MYO5B: variants seen among roughly 807,000 people sequenced by gnomAD.
MYO5B encodes the protein unconventional myosin-Vb.
MYO5B carries 143 observed loss-of-function variants against 229.3 expected under a neutral mutation model. That is an observed-to-expected ratio of 0.62 (90% CI 0.54 to 0.72). The LOEUF is 0.72. Among genes scored for constraint, MYO5B ranks in the 30% least tolerant of loss-of-function variants. The pLI, the probability that MYO5B is intolerant of heterozygous loss-of-function variation, is 0.00. For missense variants in MYO5B, 2,321 were observed against 2,331.0 expected (o/e 1.00, Z 0.09); for synonymous variants, 918 against 885.2 (o/e 1.04, Z -0.66).
intron 18 of MYO5B, among the ~76,000 whole-genome samples, chr18:49,906,977 G>A (rs533995964): frequency 1.3e-5 from 2 of 152,264 alleles, no homozygotes; most frequent in South Asian, 2.1e-4. Flanking sequence ...TGTTCAAAAA[G>A]GATGCTCAAG....
Position 49,872,156 on chromosome 18 carries a change from A to G in MYO5B, c.3603+11T>C. 1 of 1,613,788 alleles carries G rather than the reference A, an allele frequency of 6.2e-7. No homozygotes were observed. Among genetic ancestry groups the G allele is most frequent in the Non-Finnish European group, 8.5e-7 (1 of 1,179,806 alleles). On this transcript the variant is annotated intron_variant, in intron 27 of 39. Transcript: ENST00000285039. ...GAGTGTTCCAGGAAGCCTGTCCCCC[A>G]AGAATCTTACCTTCAGACTATTGTA...
chr18:49,908,945 C>G (rs2024929099), intron 18 of MYO5B, among the ~76,000 whole-genome samples: 1 of 152,182 alleles, frequency 6.6e-6, no homozygotes, highest in Non-Finnish European at 1.5e-5. Context: ...TAAACAACCA[C>G]AACAATTTAT....
chr18:50,017,515 G>C (rs113054180), intron 4 of MYO5B, among the ~76,000 whole-genome samples: 4 of 152,288 alleles, frequency 2.6e-5, no homozygotes, highest in African/African-American at 9.6e-5. Context: ...ATATCTCATT[G>C]TAAGGAGAGA....
chr18:50,030,524 AC>A (rs1308930864), intron 4 of MYO5B, among the ~76,000 whole-genome samples: 1 of 147,386 alleles, frequency 6.8e-6, no homozygotes, highest in African/African-American at 2.4e-5. Context: ...CATGCTCTTC[AC>A]ACTTATGGGG....
At chr18:49,983,899 C>A (rs896508977) in intron 8 of MYO5B, among the ~76,000 whole-genome samples, 1 of 152,142 alleles carries the variant, frequency 6.6e-6, no homozygotes, top group Non-Finnish European at 1.5e-5. Context: ...GCTACAACTT[C>A]CCTGACCTCC....
intron 17 of MYO5B, among the ~76,000 whole-genome samples, chr18:49,928,995 G>T (rs2025159492): frequency 6.6e-6 from 1 of 152,124 alleles, no homozygotes; most frequent in Non-Finnish European, 1.5e-5. Context: ...AGGGATAAAA[G>T]ACTATACATT....
At chr18:49,918,019 A>T (rs1329021710) in intron 17 of MYO5B, among the ~76,000 whole-genome samples, 1 of 152,218 alleles carries the variant, frequency 6.6e-6, no homozygotes, top group Non-Finnish European at 1.5e-5. Flanking sequence ...AGAACCCACC[A>T]GTCTGGAAAG....
At chr18:50,110,872 C>T (rs888887466) in intron 1 of MYO5B, among the ~76,000 whole-genome samples, 5 of 151,992 alleles carry the variant, frequency 3.3e-5, no homozygotes, top group African/African-American at 1.2e-4. Context: ...AGCAGGCAAA[C>T]ACCTACAGAT....
intron 23 of MYO5B, among the ~76,000 whole-genome samples, chr18:49,880,111 T>A (rs1172743986): frequency 6.6e-6 from 1 of 152,178 alleles, no homozygotes. Flanking sequence ...CACGGCAGAA[T>A]CATGCTTCAA....
At chr18:49,940,927 AC>A (rs1439730226) in intron 14 of MYO5B, among the ~76,000 whole-genome samples, 2 of 152,234 alleles carry the variant, frequency 1.3e-5, no homozygotes, top group Non-Finnish European at 2.9e-5. Flanking sequence ...CTAAAAACAT[AC>A]AAAAAAATTA....
chr18:49,885,193 GAAC>G (rs1416502021), intron 22 of MYO5B, among the ~76,000 whole-genome samples: 1 of 152,160 alleles, frequency 6.6e-6, no homozygotes, highest in East Asian at 1.9e-4. Context: ...CTGACACAAA[GAAC>G]AACCTCACCC....
chr18:50,173,745 G>T (rs892913051), intron 1 of MYO5B, among the ~76,000 whole-genome samples: 11 of 152,162 alleles, frequency 7.2e-5, no homozygotes, highest in African/African-American at 2.4e-4. Context: ...TGAGAGCTGG[G>T]GGGAGAAACA....
chr18:49,853,495 T>C lies in MYO5B; in HGVS notation c.4175A>G (p.Glu1392Gly), dbSNP rs2024225973. The C allele has an allele frequency of 1.2e-6, 2 of 1,614,042 alleles. No homozygotes were observed. The highest frequency in any genetic ancestry group is 1.7e-6 in the Non-Finnish European group (2 of 1,180,032). The change falls in exon 31 of 40, where the codon GAA becomes GGA. Residue 1392 changes from glutamate to glycine, a missense_variant. Physicochemically the swap from Glu to Gly is moderately conservative, Grantham distance 98. Around this residue, in one of 2 missense-constraint regions of MYO5B, gnomAD observed 2,113 missense variants for 2,044.7 expected, o/e 1.03. Transcript: ENST00000285039. Reference protein sequence around the residue: ...TLLLSPEAQVEFGVQQEISRL... With the variant: ...TLLLSPEAQVGFGVQQEISRL... ...GGATATTTCCTGCTGAACGCCGAAT[T>C]CCACCTGGGCCTCTGGGGAGAGCAG...
chr18:50,010,911 T>C (rs1043766407), intron 4 of MYO5B, among the ~76,000 whole-genome samples: 1 of 152,216 alleles, frequency 6.6e-6, no homozygotes, highest in African/African-American at 2.4e-5. Context: ...TTCAGCCAGG[T>C]GCATGTGAGT....
intron 1 of MYO5B, among the ~76,000 whole-genome samples, chr18:50,105,694 A>G (rs958867328): frequency 1.3e-5 from 2 of 151,850 alleles, no homozygotes; most frequent in African/African-American, 2.4e-5. Flanking sequence ...GCCTGATTTC[A>G]AAGGAATACG....
At chr18:50,179,572 G>C (rs1427260303) in intron 1 of MYO5B, among the ~76,000 whole-genome samples, 1 of 152,100 alleles carries the variant, frequency 6.6e-6, no homozygotes, top group Admixed American at 6.5e-5. Flanking sequence ...ACTCAGAAAG[G>C]GCATTAAAAC....
At chr18:49,953,952 C>CAT (rs10641449) in intron 13 of MYO5B, among the ~76,000 whole-genome samples, 68,790 of 115,968 alleles carry the variant, frequency 0.59, 17,880 homozygotes, top group Middle Eastern at 0.75. Flanking sequence ...TATATACAGA[C>CAT]ATGTGTGTGT....
intron 2 of MYO5B, among the ~76,000 whole-genome samples, chr18:50,049,115 A>G (rs1199909085): frequency 2.0e-5 from 3 of 151,932 alleles, no homozygotes; most frequent in African/African-American, 7.2e-5. Flanking sequence ...TGCCATGGCC[A>G]CCACTGTTTT....
At chr18:49,875,919 A>G (rs914557553) in intron 25 of MYO5B, 92 bp from the exon 26 acceptor site, 1 of 1,423,976 alleles carries the variant, frequency 7.0e-7, no homozygotes, top group Non-Finnish European at 9.8e-7. Context: ...TATATCAGCC[A>G]TCTGTCTCCT....
Sources: gnomAD v4.1 joint callset for allele counts (sites outside exome capture counted in the v4.1 genomes callset) on GRCh38, gnomAD v4.1.1 for gene constraint, gnomAD v4.1.1 regional missense constraint, MANE v1.5 for transcripts, NCBI Gene and HGNC (gene_info 2026-07-23, HGNC 2026-07-21) for gene names.